The following TSR1 variants were observed in gnomAD, a reference collection of about 807,000 sequenced individuals.
The protein encoded by TSR1 is TSR1 ribosome maturation factor.
A neutral mutation model predicts 90.9 loss-of-function variants in TSR1; 81 were observed. That is an observed-to-expected ratio of 0.89 (90% CI 0.74 to 1.07). The LOEUF (loss-of-function observed/expected upper bound fraction) is 1.07, where lower values mean the gene tolerates loss of function less well. Among genes scored for constraint, TSR1 ranks in the 50% least tolerant of loss-of-function variants. The pLI is 0.00. For missense variants in TSR1, 989 were observed against 987.3 expected (o/e 1.00, Z -0.02); for synonymous variants, 362 against 348.8 (o/e 1.04, Z -0.42).
intron 12 of TSR1, 51 bp from the exon 13 acceptor site, chr17:2,324,880 T>A: frequency 6.4e-7 from 1 of 1,569,226 alleles, no homozygotes; most frequent in Non-Finnish European, 8.6e-7. Flanking sequence ...GCCAAAGTCT[T>A]CATTTATTGC....
rs766828077 is a variant in TSR1 at position 2,325,403 on chromosome 17, G to C, written c.1921C>G (p.Gln641Glu). ...QHTAADKHKL[Q>E]RFLTADMALV... is the part of the protein sequence containing the mutation. ...GCCATGTCAGCAGTCAGGAATCTCT[G>C]CAATTTATGTTTGTCCGCTGCCATA... The change falls in exon 12 of 15, where the codon CAG becomes GAG. Residue 641 changes from glutamine to glutamate, a missense_variant. Transcript: ENST00000301364. The C allele has an allele frequency of 1.2e-6, 2 of 1,611,796 alleles. No homozygotes were observed. The highest frequency in any genetic ancestry group is 2.2e-5 in the South Asian group (2 of 90,558).
intron 11 of TSR1, 40 bp from the exon 12 acceptor site, chr17:2,325,460 G>C: frequency 1.3e-6 from 2 of 1,511,654 alleles, no homozygotes; most frequent in Non-Finnish European, 9.1e-7. Context: ...AAACCATTTT[G>C]AGAAACCAGA....
At position 2,323,634 on chromosome 17, in the gene TSR1, T is replaced by A; in HGVS notation, c.*562A>T. 8 of 1,611,942 alleles carry A rather than the reference T, an allele frequency of 5.0e-6. No homozygotes were observed. The highest frequency in any genetic ancestry group is 6.8e-6 in the Non-Finnish European group (8 of 1,178,166). Reference sequence around the variant, plus strand: ...ACTAGACTCCCCTTTCACTAATTCCTACTCCCTTCCATATCAACAGTGTGC... The same window carrying A: ...ACTAGACTCCCCTTTCACTAATTCCAACTCCCTTCCATATCAACAGTGTGC... On this transcript the variant is annotated 3_prime_UTR_variant, in exon 15 of 15. Transcript: ENST00000301364.
intron 13 of TSR1, 35 bp downstream of exon 13, chr17:2,324,654 G>A (rs2075563608): frequency 7.4e-6 from 12 of 1,613,914 alleles, no homozygotes; most frequent in Non-Finnish European, 1.0e-5. Context: ...ATACCACAAA[G>A]GCAATCAGAT....
Position 2,323,384 on chromosome 17 carries a change from G to T in TSR1, c.*812C>A. ...AAGAAAAGAAATAGCAAAGCATGGT[G>T]TAACTTCTTAGGCAGAAGAAACTTC... On this transcript the variant is annotated 3_prime_UTR_variant, in exon 15 of 15. Transcript: ENST00000301364. The T allele has an allele frequency of 6.2e-7, 1 of 1,610,748 alleles. No homozygotes were observed. Among genetic ancestry groups the T allele is most frequent in the Non-Finnish European group, 8.5e-7 (1 of 1,177,340 alleles).
rs2273983 is a variant in TSR1 at position 2,324,694 on chromosome 17, T to C, written c.2156A>G (p.Asn719Ser). The C allele has an allele frequency of 2.3e-4, 375 of 1,614,126 alleles. 3 individuals carry two copies. The East Asian group carries it at 7.3e-3, about 32-fold the overall frequency. ...TCCTCCTCCTTCATACCCACCTCTG[T>C]TGAAGAACATGTAACGTACTACTGC... is the stretch of plus-strand genomic sequence containing the variant. ...KMAVVRYMFF[N>S]REDVLWFKPV... Residue 719 changes from asparagine (N) to serine (S), a missense_variant, in exon 13 of 15, where the codon AAC becomes AGC. Physicochemically the swap from Asn to Ser is conservative, Grantham distance 46. Coordinates refer to ENST00000301364, the MANE Select transcript of TSR1 (RefSeq NM_018128.5).
At chr17:2,334,358 C>T in intron 5 of TSR1, 114 bp downstream of exon 5, 1 of 1,148,906 alleles carries the variant, frequency 8.7e-7, no homozygotes, top group Admixed American at 2.2e-5. Flanking sequence ...TATTGCCTTA[C>T]TTCAGACTAG....
chr17:2,332,936 T>C (rs776530170), intron 7 of TSR1, 25 bp downstream of exon 7: 6 of 1,607,936 alleles, frequency 3.7e-6, no homozygotes, highest in Admixed American at 1.7e-5. Context: ...AGACACAGAA[T>C]TGGCCTAAGG....
chr17:2,336,240 C>T, intron 1 of TSR1, 91 bp downstream of exon 1: 1 of 1,604,286 alleles, frequency 6.2e-7, no homozygotes, highest in South Asian at 1.1e-5. Context: ...CGCGTGGAGC[C>T]CAGACGGGAG....
intron 10 of TSR1, among the ~76,000 whole-genome samples, 177 bp from the exon 11 acceptor site, chr17:2,329,652 G>A (rs1162222570): frequency 6.6e-6 from 1 of 152,112 alleles, no homozygotes; most frequent in East Asian, 1.9e-4. Context: ...ACCAATGACT[G>A]GCATTTAAGC....
rs533504851 is a variant in TSR1 at position 2,334,449 on chromosome 17, T to C, written c.981+23A>G. 3.6e-5 allele frequency: 58 copies of C among 1,596,158 alleles called. No homozygotes were observed. In the South Asian group the frequency reaches 6.1e-4, roughly 17 times the overall value. ...TCCTGTGCCAACTTTCATATGAACA[T>C]GAATTAAGAATATCAGTCTTACCTC... On this transcript the variant is annotated intron_variant, in intron 5 of 14. Coordinates refer to ENST00000301364, the MANE Select transcript of TSR1 (RefSeq NM_018128.5).
chr17:2,335,881 G>C, intron 2 of TSR1, 151 bp from the exon 3 acceptor site: 1 of 1,263,350 alleles, frequency 7.9e-7, no homozygotes, highest in Non-Finnish European at 1.1e-6. Flanking sequence ...CAGGAATTCT[G>C]ACCAAAGCAA....
rs2151437213 is a variant in TSR1, at chr17:2,322,506, T to TC, written c.*1689dup. The TC allele has an allele frequency of 6.6e-6, 1 of 152,328 alleles. No homozygotes were observed. The highest frequency in any genetic ancestry group is 1.9e-4 in the East Asian group (1 of 5,182). The allele number at this position is 152,328 out of a possible 1,614,324, so 9.4% of individuals were successfully genotyped here. On this transcript the variant is annotated 3_prime_UTR_variant, in exon 15 of 15. Transcript: ENST00000301364. ...AATGTATTACTTATTGTGCCTATTT[T>TC]CTTTTTTTTTTTGAGACGGAGTCTC...
chr17:2,334,469 T>C lies in TSR1; in HGVS notation c.981+3A>G, dbSNP rs1382567825. On this transcript the variant is annotated splice_donor_region_variant and intron_variant, in intron 5 of 14. Coordinates refer to ENST00000301364, the MANE Select transcript of TSR1 (RefSeq NM_018128.5). ...GAACATGAATTAAGAATATCAGTCT[T>C]ACCTCCATTGCCATGTCTGGGTCCT... 1 of 1,611,064 alleles carries C rather than the reference T, an allele frequency of 6.2e-7. No homozygotes were observed. Among genetic ancestry groups the C allele is most frequent in the Admixed American group, 1.7e-5 (1 of 59,692 alleles).
rs771979234 is a variant in TSR1 at position 2,335,368 on chromosome 17, C to A, written c.448G>T (p.Ala150Ser). 1 of 1,613,416 alleles carries A rather than the reference C, an allele frequency of 6.2e-7. No individual in the cohort carries two copies. ...AACAGGATGGTATCAGCTACTTTAG[C>A]CATGTCTAACACAACGTGCAGATCC... Reference protein sequence around the residue: ...PGDLHVVLDMAKVADTILFLL... With the variant: ...PGDLHVVLDMSKVADTILFLL... Residue 150 changes from alanine to serine, a missense_variant, in exon 4 of 15, where the codon GCT becomes TCT. By Grantham distance (99) the Ala-to-Ser change is moderately conservative. Coordinates refer to ENST00000301364, the MANE Select transcript of TSR1 (RefSeq NM_018128.5).
chr17:2,335,045 G>A, intron 4 of TSR1, 149 bp from the exon 5 acceptor site: 1 of 1,083,292 alleles, frequency 9.2e-7, no homozygotes, highest in Non-Finnish European at 1.3e-6. Context: ...ATTTCACAGT[G>A]AAATCAAACT....
Position 2,335,595 on chromosome 17 carries a change from A to G in TSR1, c.337T>C (p.Leu113=), listed in dbSNP as rs750230871. The G allele has an allele frequency of 1.9e-6, 3 of 1,614,194 alleles. No homozygotes were observed. Among genetic ancestry groups the G allele is most frequent in the South Asian group, 2.2e-5 (2 of 91,090 alleles). The stretch of plus-strand genomic sequence containing the variant: ...TTCTGGGTGTTTCCCAATTCATTCA[A>G]GTGTACTGTTCCAGTGTCCCTATCT... ...LQDRDTGTVH[L]NELGNTQNFM... is the part of the protein sequence containing the mutation. The change falls in exon 3 of 15, where the codon TTG becomes CTG. Residue 113 remains leucine, a synonymous_variant. Coordinates refer to ENST00000301364, the MANE Select transcript of TSR1 (RefSeq NM_018128.5).
chr17:2,324,704 T>C lies in TSR1; in HGVS notation c.2146A>G (p.Met716Val), dbSNP rs747783790. 8.1e-6 allele frequency: 13 copies of C among 1,614,152 alleles called. No individual in the cohort carries two copies. In the South Asian group the frequency reaches 1.4e-4, roughly 18 times the overall value. The change falls in exon 13 of 15, where the codon ATG becomes GTG. Residue 716 changes from methionine to valine, a missense_variant. By Grantham distance (21) the Met-to-Val change is conservative. Transcript: ENST00000301364. Reference sequence around the variant, plus strand: ...TCATACCCACCTCTGTTGAAGAACATGTAACGTACTACTGCCATCTTAGTA... The same window carrying C: ...TCATACCCACCTCTGTTGAAGAACACGTAACGTACTACTGCCATCTTAGTA... Reference protein sequence around the residue: ...IFTKMAVVRYMFFNREDVLWF... With the variant: ...IFTKMAVVRYVFFNREDVLWF...
Position 2,324,303 on chromosome 17 carries a change from A to G in TSR1, c.2308T>C (p.Tyr770His). 1 of 1,563,046 alleles carries G rather than the reference A, an allele frequency of 6.4e-7. No individual in the cohort carries two copies. Among genetic ancestry groups the G allele is most frequent in the Non-Finnish European group, 8.6e-7 (1 of 1,159,144 alleles). ...KSQDTVLMNL[Y>H]KRVFPKWTYD... The stretch of plus-strand genomic sequence containing the variant: ...GTCCATTTGGGGAAGACTCGTTTAT[A>G]CAGGTTCATCAGTACTGTGTCTTGA... The change falls in exon 15 of 15, where the codon TAT becomes CAT. Residue 770 changes from tyrosine (Y) to histidine (H), a missense_variant. Tyr to His is a moderately conservative substitution (Grantham distance 83). Transcript: ENST00000301364.
Sources: gnomAD v4.1 joint callset for allele counts (sites outside exome capture counted in the v4.1 genomes callset) on GRCh38, gnomAD v4.1.1 for gene constraint, MANE v1.5 for transcripts, NCBI Gene and HGNC (gene_info 2026-07-23, HGNC 2026-07-21) for gene names.